The following GFRAL variants were observed in gnomAD, a reference collection of about 807,000 sequenced individuals.
The protein encoded by GFRAL is GDNF family receptor alpha like.
In GFRAL, 36 loss-of-function variants were observed where a neutral mutation model predicts 45.4. The observed-to-expected ratio is 0.79, with a 90% confidence interval of 0.61 to 1.05. The LOEUF (loss-of-function observed/expected upper bound fraction) is 1.05. Ranked by LOEUF, GFRAL falls within the 50% of genes least tolerant of loss-of-function variation. GFRAL has a pLI of 0.00. For synonymous variants in GFRAL, 166 were observed against 154.1 expected (o/e 1.08, Z -0.57); for missense variants, 507 against 467.5 (o/e 1.08, Z -0.78).
chr6:55,330,908 T>C, intron 1 of GFRAL, among the ~76,000 whole-genome samples: 1 of 152,112 alleles, frequency 6.6e-6, no homozygotes, highest in East Asian at 1.9e-4. Context: ...AGAGTGAAGT[T>C]GAGGATGGAA....
chr6:55,372,924 G>A (rs768717153), intron 6 of GFRAL, among the ~76,000 whole-genome samples: 21 of 151,884 alleles, frequency 1.4e-4, no homozygotes, highest in Admixed American at 2.6e-4. Flanking sequence ...AGCATCAGCC[G>A]CGAACTCAAA....
Position 55,402,126 on chromosome 6 carries a change from C to T in GFRAL, c.*273C>T, listed in dbSNP as rs9367635. On this transcript the variant is annotated 3_prime_UTR_variant, in exon 9 of 9. Transcript: ENST00000340465. ...CCGAGTAGCTGGGATTACAGGTACC[C>T]GCCACCACGCCCAGCTAATTTTTTT... 0.27 allele frequency: 70,865 copies of T among 263,910 alleles called. 10,113 individuals carry two copies. Among genetic ancestry groups the T allele is most frequent in the Non-Finnish European group, 0.32 (45,368 of 142,332 alleles). The allele number at this position is 263,910 out of a possible 1,614,324, so 16.3% of individuals were successfully genotyped here.
intron 5 of GFRAL, among the ~76,000 whole-genome samples, chr6:55,354,514 T>C (rs1768162473): frequency 6.6e-6 from 1 of 152,062 alleles, no homozygotes; most frequent in African/African-American, 2.4e-5. Flanking sequence ...GTGTCTTCAA[T>C]TTCCTTTCAC....
At chr6:55,332,283 G>A (rs1767840545) in intron 2 of GFRAL, among the ~76,000 whole-genome samples, 1 of 151,898 alleles carries the variant, frequency 6.6e-6, no homozygotes, top group East Asian at 1.9e-4. Context: ...ACATATATGC[G>A]GTATTTCCAA....
intron 3 of GFRAL, among the ~76,000 whole-genome samples, chr6:55,345,728 A>T (rs1768032503): frequency 6.6e-6 from 1 of 152,210 alleles, no homozygotes. Flanking sequence ...TCTGTACAGC[A>T]AAAGAAACTA....
intron 5 of GFRAL, among the ~76,000 whole-genome samples, chr6:55,358,234 T>C (rs184506987): frequency 3.0e-4 from 45 of 151,998 alleles, no homozygotes; most frequent in Non-Finnish European, 6.2e-4. Flanking sequence ...AAAGCAATTT[T>C]CGGTGACAAA....
At position 55,402,033 on chromosome 6, in the gene GFRAL, A is replaced by G. The variant is rs565988384; in HGVS notation, c.*180A>G. The G allele has an allele frequency of 1.0e-5, 5 of 489,294 alleles. No individual in the cohort carries two copies. The Admixed American group carries it at 2.1e-4, about 21-fold the overall frequency. The allele number at this position is 489,294 out of a possible 1,614,324, so 30.3% of individuals were successfully genotyped here. A position where few individuals can be genotyped will look rare whatever the true frequency, so the allele number is the denominator to read the frequency against. ...CTCTTGTTGCCCAGGCTGCAGTACA[A>G]TGGCTCAATCTCGGTTCACTGCAAC... On this transcript the variant is annotated 3_prime_UTR_variant, in exon 9 of 9. Coordinates refer to ENST00000340465, the MANE Select transcript of GFRAL (RefSeq NM_207410.2).
In GFRAL at chr6:55,350,144, T is replaced by C; in HGVS notation, c.369T>C (p.His123=). 2.6e-6 allele frequency: 4 copies of C among 1,521,156 alleles called. No homozygotes were observed. The highest frequency in any genetic ancestry group is 1.1e-5 in the South Asian group (1 of 88,916). 94.2% of individuals were successfully genotyped at this position (1,521,156 alleles called of 1,614,324 possible). The change falls in exon 4 of 9, where the codon CAT becomes CAC. Residue 123 remains histidine (H), a splice_region_variant and synonymous_variant. Transcript: ENST00000340465. ...GGAATCTAACTACACGTTCCCATCATGGTAATGTTTTTAAGTTATTATTTT... is the reference window on the plus strand; with the variant it reads ...GGAATCTAACTACACGTTCCCATCACGGTAATGTTTTTAAGTTATTATTTT... ...FKWNLTTRSH[H]GFKGMWSCLE... is the part of the protein sequence containing the mutation.
chr6:55,355,952 G>A (rs1768185774), intron 5 of GFRAL, among the ~76,000 whole-genome samples: 1 of 151,874 alleles, frequency 6.6e-6, no homozygotes, highest in South Asian at 2.1e-4. Flanking sequence ...GAGAACTTTA[G>A]CAAATGCTTT....
intron 6 of GFRAL, among the ~76,000 whole-genome samples, chr6:55,370,012 T>A (rs1158973375): frequency 6.6e-6 from 1 of 152,218 alleles, no homozygotes; most frequent in Non-Finnish European, 1.5e-5. Context: ...CCCTACTATG[T>A]GTTATCTGAG....
chr6:55,359,224 T>A, intron 6 of GFRAL, 86 bp downstream of exon 6: 2 of 1,064,558 alleles, frequency 1.9e-6, no homozygotes, highest in Non-Finnish European at 2.7e-6. Context: ...GCCTATACAG[T>A]AAAAGAGGTA....
chr6:55,351,294 T>C lies in GFRAL; in HGVS notation c.412T>C (p.Cys138Arg). ...GTCCTGTTTGGAAGTGGCAGAGGCA[T>C]GTGTAGGGGATGTGGTCTGTAATGC... is the stretch of plus-strand genomic sequence containing the variant. The part of the protein sequence containing the change: ...MWSCLEVAEA[C>R]VGDVVCNAQL... Residue 138 changes from cysteine to arginine, a missense_variant, in exon 5 of 9, where the codon TGT becomes CGT. Cys to Arg is a radical substitution (Grantham distance 180, BLOSUM62 -3). Transcript: ENST00000340465. 6 of 1,608,702 alleles carry C rather than the reference T, an allele frequency of 3.7e-6. No homozygotes were observed. The highest frequency in any genetic ancestry group is 5.1e-6 in the Non-Finnish European group (6 of 1,176,086).
intron 2 of GFRAL, 136 bp downstream of exon 2, chr6:55,331,985 CTT>C: frequency 1.3e-6 from 1 of 744,882 alleles, no homozygotes; most frequent in Non-Finnish European, 2.1e-6. Context: ...CATCGATTCA[CTT>C]TTAATCATGT....
chr6:55,327,683 C>A, intron 1 of GFRAL, 107 bp downstream of exon 1: 3 of 1,008,276 alleles, frequency 3.0e-6, no homozygotes, highest in Non-Finnish European at 3.0e-6. Flanking sequence ...ATATGAAGTA[C>A]CAAGTAAATT....
chr6:55,359,468 A>G (rs1323965904), intron 6 of GFRAL, among the ~76,000 whole-genome samples: 2 of 152,038 alleles, frequency 1.3e-5, no homozygotes, highest in African/African-American at 4.8e-5. Flanking sequence ...AACCATAAGT[A>G]TCTATACTAA....
intron 3 of GFRAL, among the ~76,000 whole-genome samples, chr6:55,348,288 G>T (rs973866705): frequency 6.6e-6 from 1 of 151,864 alleles, no homozygotes; most frequent in Admixed American, 6.6e-5. Context: ...TATATTTAAT[G>T]TGTAAATGTT....
intron 6 of GFRAL, among the ~76,000 whole-genome samples, chr6:55,371,580 G>GT: frequency 6.6e-6 from 1 of 152,194 alleles, no homozygotes; most frequent in East Asian, 1.9e-4. Flanking sequence ...TTTGTCACAA[G>GT]TTTTTTGTAG....
chr6:55,394,859 G>T (rs959051633), intron 6 of GFRAL, among the ~76,000 whole-genome samples: 4 of 151,970 alleles, frequency 2.6e-5, no homozygotes, highest in African/African-American at 9.7e-5. Context: ...TCTATTAATA[G>T]TAAATGCTCA....
intron 6 of GFRAL, among the ~76,000 whole-genome samples, chr6:55,370,004 C>T (rs1269896513): frequency 1.3e-5 from 2 of 152,250 alleles, no homozygotes; most frequent in East Asian, 3.9e-4. Context: ...GAACTGGACC[C>T]TACTATGTGT....
Sources: allele counts gnomAD v4.1 joint callset (sites outside exome capture counted in the v4.1 genomes callset), GRCh38; gene constraint gnomAD v4.1.1; transcripts MANE v1.5; gene names NCBI Gene and HGNC (gene_info 2026-07-23, HGNC 2026-07-21).